The following SLC44A5 variants were observed in gnomAD, a reference collection of about 807,000 sequenced individuals.
SLC44A5 encodes solute carrier family 44 member 5.
SLC44A5 carries 57 observed loss-of-function variants against 101.8 expected under a neutral mutation model. That is an observed-to-expected ratio of 0.56 (90% CI 0.45 to 0.70). The LOEUF (loss-of-function observed/expected upper bound fraction) is 0.70, where lower values mean the gene tolerates loss of function less well. SLC44A5 is among the 30% of genes least tolerant of loss of function. The pLI, the probability that SLC44A5 is intolerant of heterozygous loss-of-function variation, is 0.00. For synonymous variants in SLC44A5, 281 were observed against 290.9 expected (o/e 0.97, Z 0.35); for missense variants, 737 against 853.1 (o/e 0.86, Z 1.70).
chr1:75,261,414 T>C (rs1299098897), intron 6 of SLC44A5, among the ~76,000 whole-genome samples: 3 of 151,220 alleles, frequency 2.0e-5, no homozygotes, highest in Admixed American at 1.3e-4. Context: ...AACTAGAAAA[T>C]CTAGAAGAAA....
At chr1:75,265,292 G>C (rs1650893459) in intron 6 of SLC44A5, among the ~76,000 whole-genome samples, 1 of 151,886 alleles carries the variant, frequency 6.6e-6, no homozygotes, top group Admixed American at 6.6e-5. Flanking sequence ...ACCAAACAAG[G>C]ACATAAAAAC....
chr1:75,581,914 G>A (rs1283017469), intron 1 of SLC44A5, among the ~76,000 whole-genome samples: 1 of 152,204 alleles, frequency 6.6e-6, no homozygotes, highest in Non-Finnish European at 1.5e-5. Context: ...CAAAAACAGA[G>A]GCTGATGCCA....
At chr1:75,411,619 C>T (rs913748701) in intron 2 of SLC44A5, among the ~76,000 whole-genome samples, 10 of 151,846 alleles carry the variant, frequency 6.6e-5, no homozygotes, top group African/African-American at 2.4e-4. Flanking sequence ...ATAACAGAGC[C>T]AAATCACCAC....
At chr1:75,363,443 G>A (rs534686781) in intron 3 of SLC44A5, among the ~76,000 whole-genome samples, 1 of 151,864 alleles carries the variant, frequency 6.6e-6, no homozygotes, top group African/African-American at 2.4e-5. Flanking sequence ...TTTCTGTTTT[G>A]TGAAACTACT....
chr1:75,684,818 C>T, the SLC44A5 span, among the ~76,000 whole-genome samples: 3 of 152,068 alleles, frequency 2.0e-5, no homozygotes, highest in Admixed American at 6.6e-5. Flanking sequence ...TCTACCATTC[C>T]GGAGTCTGAA....
At chr1:75,440,391 T>C (rs1317963687) in intron 2 of SLC44A5, among the ~76,000 whole-genome samples, 1 of 152,084 alleles carries the variant, frequency 6.6e-6, no homozygotes, top group East Asian at 1.9e-4. Flanking sequence ...GGCCATGTGG[T>C]AGCTCCAGGA....
chr1:75,558,908 A>C (rs949495237), intron 1 of SLC44A5, among the ~76,000 whole-genome samples: 1 of 152,070 alleles, frequency 6.6e-6, no homozygotes, highest in African/African-American at 2.4e-5. Flanking sequence ...AGACTCAAAC[A>C]AGATTCCAAA....
chr1:75,338,777 A>G (rs1335041494), intron 4 of SLC44A5, among the ~76,000 whole-genome samples: 1 of 152,222 alleles, frequency 6.6e-6, no homozygotes, highest in East Asian at 1.9e-4. Context: ...ACATAACAGT[A>G]AATGCTAACG....
At chr1:75,500,812 G>A (rs61798720) in intron 2 of SLC44A5, among the ~76,000 whole-genome samples, 65 of 152,216 alleles carry the variant, frequency 4.3e-4, no homozygotes, top group African/African-American at 1.3e-3. Context: ...TCAGTATTGC[G>A]GGTAAGGATT....
the SLC44A5 span, among the ~76,000 whole-genome samples, chr1:75,713,949 T>G: frequency 6.6e-6 from 1 of 150,468 alleles, no homozygotes; most frequent in Non-Finnish European, 1.5e-5. Context: ...TGTACAGGTG[T>G]GTGCCACCAC....
intron 3 of SLC44A5, among the ~76,000 whole-genome samples, chr1:75,341,012 T>C (rs923576511): frequency 3.3e-5 from 5 of 152,214 alleles, no homozygotes; most frequent in Non-Finnish European, 7.3e-5. Flanking sequence ...CACTTTTAAC[T>C]AGTTCAAATT....
chr1:75,687,422 G>C, the SLC44A5 span, among the ~76,000 whole-genome samples: 1 of 152,046 alleles, frequency 6.6e-6, no homozygotes, highest in South Asian at 2.1e-4. Context: ...TCCTGCCTCA[G>C]CCTCCCAAGT....
At chr1:75,444,476 A>AAAG (rs760096310) in intron 2 of SLC44A5, among the ~76,000 whole-genome samples, 5,855 of 138,594 alleles carry the variant, frequency 0.042, 228 homozygotes, top group Admixed American at 0.13. Context: ...AAAGAAAGAG[A>AAAG]AAGAAAGAAG....
chr1:75,592,620 C>G (rs1015835778), intron 1 of SLC44A5, among the ~76,000 whole-genome samples: 8 of 152,082 alleles, frequency 5.3e-5, no homozygotes, highest in African/African-American at 1.7e-4. Context: ...GTAAGTAAAA[C>G]AGCATGATAC....
At chr1:75,652,617 A>AGT in the SLC44A5 span, among the ~76,000 whole-genome samples, 1 of 152,198 alleles carries the variant, frequency 6.6e-6, no homozygotes, top group Non-Finnish European at 1.5e-5. Context: ...CAGCATAGCA[A>AGT]GACCCTATCA....
chr1:75,329,538 T>G (rs1656864065), intron 4 of SLC44A5, among the ~76,000 whole-genome samples: 1 of 152,176 alleles, frequency 6.6e-6, no homozygotes, highest in African/African-American at 2.4e-5. Context: ...CATTTTTAAA[T>G]GTATTAACAT....
chr1:75,290,372 T>G (rs533345975), intron 5 of SLC44A5, among the ~76,000 whole-genome samples: 5 of 152,214 alleles, frequency 3.3e-5, no homozygotes, highest in African/African-American at 1.2e-4. Context: ...AAAGAAGATA[T>G]TTATAAAGGT....
intron 5 of SLC44A5, among the ~76,000 whole-genome samples, chr1:75,298,447 T>C (rs1383696592): frequency 2.0e-5 from 3 of 152,158 alleles, no homozygotes; most frequent in Non-Finnish European, 4.4e-5. Context: ...AATTAAGACA[T>C]TTACAAACTG....
At chr1:75,671,011 G>A in the SLC44A5 span, among the ~76,000 whole-genome samples, 53 of 152,340 alleles carry the variant, frequency 3.5e-4, no homozygotes, top group African/African-American at 1.1e-3. Flanking sequence ...ACATAGGGAA[G>A]CACCAAGGTC....
Sources: gnomAD v4.1 joint callset for allele counts (sites outside exome capture counted in the v4.1 genomes callset) on GRCh38, gnomAD v4.1.1 for gene constraint, MANE v1.5 for transcripts, NCBI Gene and HGNC (gene_info 2026-07-23, HGNC 2026-07-21) for gene names.